The following LRP1B variants were observed in gnomAD, a reference collection of about 807,000 sequenced individuals.
LRP1B encodes the protein LDL receptor related protein 1B, also known as low-density lipoprotein receptor-related protein 1B.
LRP1B carries 217 observed loss-of-function variants against 556.6 expected under a neutral mutation model. That is an observed-to-expected ratio of 0.39 (90% CI 0.35 to 0.44). The LOEUF is 0.44. LRP1B is among the 20% of genes least tolerant of loss of function. The pLI is 1.00. For synonymous variants in LRP1B, 2,047 were observed against 1,865.8 expected (o/e 1.10, Z -2.50); for missense variants, 5,053 against 5,620.8 (o/e 0.90, Z 3.23).
intron 2 of LRP1B, among the ~76,000 whole-genome samples, chr2:141,558,652 T>C (rs1306736924): frequency 6.6e-6 from 1 of 151,750 alleles, no homozygotes; most frequent in African/African-American, 2.4e-5. Flanking sequence ...AATTAAAGCA[T>C]GGATATAACA....
chr2:141,773,426 C>T lies in LRP1B; in HGVS notation c.205+36853G>A, dbSNP rs186197458. On this transcript the variant is annotated intron_variant, in intron 2 of 90. Coordinates refer to ENST00000389484, the MANE Select transcript of LRP1B (RefSeq NM_018557.3). ...GCAGGAGCAGAAGCAAGGTCAAGTA[C>T]GGTTTCCTGCAAGAAAAGTCAAGAA... Among the ~76,000 whole-genome samples the T allele has an allele frequency of 6.0e-4, 92 of 152,300 alleles. 1 individual carries two copies. The highest frequency in any genetic ancestry group is 3.4e-3 in the Middle Eastern group (1 of 294).
At chr2:141,437,647 CAG>C (rs1378862929) in intron 3 of LRP1B, among the ~76,000 whole-genome samples, 1 of 151,756 alleles carries the variant, frequency 6.6e-6, no homozygotes, top group Non-Finnish European at 1.5e-5. Flanking sequence ...AAAAAAATCT[CAG>C]GGGTATAGTA....
rs1253879604 is a variant in LRP1B, at chr2:140,520,715, A to C, written c.8027-3704T>G. 2.0e-5 allele frequency among the ~76,000 whole-genome samples: 3 copies of C among 151,036 alleles called. No individual in the cohort carries two copies. The East Asian group carries it at 5.9e-4, about 30-fold the overall frequency. On this transcript the variant is annotated intron_variant, in intron 49 of 90. Transcript: ENST00000389484. ...GAAAGACCTGCAGTGAGCTACAGTC[A>C]AATGCTCTAGAATTTAGGACATGCA...
chr2:140,924,860 G>GAT (rs1431066307), intron 20 of LRP1B, among the ~76,000 whole-genome samples: 3 of 151,950 alleles, frequency 2.0e-5, no homozygotes, highest in African/African-American at 7.2e-5. Context: ...ACAAGGGGGA[G>GAT]ATATATATAA....
rs187231022 is a variant in LRP1B, at chr2:140,798,641, G to C, written c.5359+15016C>G. Among the ~76,000 whole-genome samples, 362 of 152,178 alleles carry C rather than the reference G, an allele frequency of 2.4e-3. 9 individuals carry two copies. Among genetic ancestry groups the C allele is most frequent in the Admixed American group, 0.021 (318 of 15,260 alleles). On this transcript the variant is annotated intron_variant, in intron 32 of 90. Coordinates refer to ENST00000389484, the MANE Select transcript of LRP1B (RefSeq NM_018557.3). ...TACCCCAAATAGTTCCTTGTTATGGGGGCTGTCCTGTCCCTGTGCCTTGTA... is the reference window on the plus strand; with the variant it reads ...TACCCCAAATAGTTCCTTGTTATGGCGGCTGTCCTGTCCCTGTGCCTTGTA...
intron 1 of LRP1B, among the ~76,000 whole-genome samples, chr2:142,095,104 A>G (rs139877415): frequency 3.3e-5 from 5 of 151,308 alleles, no homozygotes; most frequent in Admixed American, 2.7e-4. Context: ...ACAGAGAGCA[A>G]CAAAAAATAG....
intron 5 of LRP1B, among the ~76,000 whole-genome samples, chr2:141,245,916 C>T (rs570122176): frequency 2.9e-4 from 44 of 152,188 alleles, no homozygotes; most frequent in African/African-American, 1.1e-3. Context: ...TTCCTTCTTC[C>T]TCTTTTTTCC....
At chr2:141,008,179 T>A (rs375371848) in intron 14 of LRP1B, among the ~76,000 whole-genome samples, 1 of 151,310 alleles carries the variant, frequency 6.6e-6, no homozygotes, top group Non-Finnish European at 1.5e-5. Context: ...TACCTATATA[T>A]CAATTAAAAG....
intron 7 of LRP1B, among the ~76,000 whole-genome samples, chr2:141,152,081 A>G (rs1701939577): frequency 6.6e-6 from 1 of 152,080 alleles, no homozygotes; most frequent in African/African-American, 2.4e-5. Context: ...ACTGGGTCAT[A>G]ATGAAGCCGT....
intron 2 of LRP1B, among the ~76,000 whole-genome samples, chr2:141,714,286 T>C (rs2105483912): frequency 6.6e-6 from 1 of 152,304 alleles, no homozygotes; most frequent in East Asian, 1.9e-4. Flanking sequence ...AACAAGCATC[T>C]GTCAAATGAC....
chr2:140,457,697 C>A (rs747614308), intron 60 of LRP1B, 46 bp from the exon 61 acceptor site: 3 of 1,462,600 alleles, frequency 2.1e-6, no homozygotes, highest in Non-Finnish European at 2.9e-6. Flanking sequence ...TGGAAGACTG[C>A]CAGTTAAAAT....
At chr2:140,686,765 GCTCT>G (rs541886112) in intron 41 of LRP1B, among the ~76,000 whole-genome samples, 36 of 152,042 alleles carry the variant, frequency 2.4e-4, no homozygotes, top group Admixed American at 2.0e-3. Flanking sequence ...TAATGATTGA[GCTCT>G]CTAAGAAGGA....
chr2:141,544,381 TCTCCTC>T (rs1170452147), intron 2 of LRP1B, among the ~76,000 whole-genome samples: 2,867 of 79,426 alleles, frequency 0.036, 289 homozygotes, highest in South Asian at 0.07. Flanking sequence ...TTCTTCTTCT[TCTCCTC>T]CTCCTCCTCC....
At chr2:141,247,441 C>T (rs187038105) in intron 4 of LRP1B, 87 bp from the exon 5 acceptor site, 36 of 1,491,178 alleles carry the variant, frequency 2.4e-5, no homozygotes, top group African/African-American at 1.4e-4. Context: ...TTTTGAACTT[C>T]GGAAATAGAC....
intron 3 of LRP1B, among the ~76,000 whole-genome samples, chr2:141,430,796 G>C (rs1680532648): frequency 1.3e-5 from 2 of 152,022 alleles, no homozygotes; most frequent in Admixed American, 6.6e-5. Flanking sequence ...GTTGTGAAGG[G>C]ATTTTGCAGA....
At chr2:140,933,279 G>A (rs1695107992) in intron 20 of LRP1B, among the ~76,000 whole-genome samples, 1 of 152,016 alleles carries the variant, frequency 6.6e-6, no homozygotes, top group Non-Finnish European at 1.5e-5. Flanking sequence ...TCTAAAGGAA[G>A]CTAAATACCA....
chr2:142,058,543 G>T (rs898619322), intron 1 of LRP1B, among the ~76,000 whole-genome samples: 12 of 151,854 alleles, frequency 7.9e-5, no homozygotes, highest in African/African-American at 2.9e-4. Flanking sequence ...ACGTTATGAG[G>T]TTTTTTTTGC....
At chr2:141,366,913 C>T (rs751380746) in intron 3 of LRP1B, among the ~76,000 whole-genome samples, 18 of 152,296 alleles carry the variant, frequency 1.2e-4, no homozygotes, top group Non-Finnish European at 2.6e-4. Context: ...AGTTCGTTTA[C>T]CTTTTAACTC....
chr2:141,750,057 GGAT>G (rs1427158213), intron 2 of LRP1B, among the ~76,000 whole-genome samples: 2 of 152,108 alleles, frequency 1.3e-5, no homozygotes, highest in Non-Finnish European at 2.9e-5. Flanking sequence ...CTCAGTGAGG[GGAT>G]GATAATGTCT....
Sources: allele counts gnomAD v4.1 joint callset (sites outside exome capture counted in the v4.1 genomes callset), GRCh38; gene constraint gnomAD v4.1.1; transcripts MANE v1.5; gene names NCBI Gene and HGNC (gene_info 2026-07-23, HGNC 2026-07-21).